The following LRP5 variants were observed in gnomAD, a reference collection of about 807,000 sequenced individuals.
LRP5 encodes the protein LDL receptor related protein 5.
LRP5 carries 62 observed loss-of-function variants against 154.1 expected under a neutral mutation model. The observed-to-expected ratio is 0.40, with a 90% CI of 0.33 to 0.50. The LOEUF (loss-of-function observed/expected upper bound fraction) is 0.50, where lower values mean the gene tolerates loss of function less well. Among genes scored for constraint, LRP5 ranks in the 20% least tolerant of loss-of-function variants. LRP5 has a pLI of 0.55. For synonymous variants in LRP5, 966 were observed against 1,011.5 expected, an observed-to-expected ratio of 0.96 and a Z score of 0.85; for missense variants, 1,915 against 2,336.7, an observed-to-expected ratio of 0.82 and a Z score of 3.72.
chr11:68,299,391 A>G, the LRP5 span, among the ~76,000 whole-genome samples: 1 of 152,104 alleles, frequency 6.6e-6, no homozygotes, highest in African/African-American at 2.4e-5. Flanking sequence ...AGAATCTAGA[A>G]GACAGATGCA....
Position 68,414,026 on chromosome 11 carries a change from G to T in LRP5, c.2827+14G>T. ...GCAACTGCAGCCGTAAGTGCCTCAT[G>T]GTCCCCCGCACCTCACTCCCTCGTT... On this transcript the variant is annotated intron_variant, in intron 12 of 22. Coordinates refer to ENST00000294304, the MANE Select transcript of LRP5 (RefSeq NM_002335.4). 6.2e-7 allele frequency: 1 copy of T among 1,600,618 alleles called. No homozygotes were observed. Among genetic ancestry groups the T allele is most frequent in the South Asian group, 1.1e-5 (1 of 90,826 alleles).
At position 68,344,841 on chromosome 11, in the gene LRP5, ATC is replaced by A. The variant is rs199856972; in HGVS notation, c.92-2998_92-2997del. On this transcript the variant is annotated intron_variant, in intron 1 of 22. Coordinates refer to ENST00000294304, the MANE Select transcript of LRP5 (RefSeq NM_002335.4). The stretch of plus-strand genomic sequence containing the variant: ...CATCCATGTTGTAGCATGTGTCAGA[ATC>A]TCTCTCTTTTTTTTTTTTTTTTTTT... Among the ~76,000 whole-genome samples, 809 of 138,508 alleles carry A rather than the reference ATC, an allele frequency of 5.8e-3. 13 individuals carry two copies. The highest frequency in any genetic ancestry group is 8.1e-3 in the African/African-American group (290 of 35,720). The allele number at this position is 138,508 out of a possible 152,430, so 90.9% of individuals were successfully genotyped here.
chr11:68,438,766 AC>A, intron 20 of LRP5, 84 bp downstream of exon 20: 2 of 1,197,546 alleles, frequency 1.7e-6, no homozygotes, highest in Non-Finnish European at 2.4e-6. Flanking sequence ...GGGATGTGCT[AC>A]CCCAGGCCCT....
intron 2 of LRP5, 95 bp from the exon 3 acceptor site, chr11:68,357,555 A>C: frequency 1.7e-6 from 2 of 1,177,592 alleles, no homozygotes; most frequent in Middle Eastern, 2.0e-4. Context: ...TTTTAGGGCA[A>C]GTTCACTGTC....
At chr11:68,313,043 G>A (rs1348642752) in intron 1 of LRP5, among the ~76,000 whole-genome samples, 1 of 146,884 alleles carries the variant, frequency 6.8e-6, no homozygotes, top group Admixed American at 6.7e-5. Flanking sequence ...GGCGAGGAGG[G>A]CGCCCGCTCC....
chr11:68,377,168 G>A (rs752325883), intron 5 of LRP5, among the ~76,000 whole-genome samples: 9 of 152,198 alleles, frequency 5.9e-5, no homozygotes, highest in Non-Finnish European at 1.0e-4. Context: ...CATGGGGGCA[G>A]AGGCAGGCAG....
At position 68,443,563 on chromosome 11, in the gene LRP5, ATATATATATATATATATATATATTTTTT is replaced by A. The variant is rs1303060925; in HGVS notation, c.4489-2871_4489-2844del. On this transcript the variant is annotated intron_variant, in intron 21 of 22. Transcript: ENST00000294304. ...TTATGGCATATATATATATATATAT[ATATATATATATATATATATATATTTTTT>A]TTTTTTTTGGTTATGTTCAGAAAGG... is the stretch of plus-strand genomic sequence containing the variant. 4.3e-4 allele frequency among the ~76,000 whole-genome samples: 15 copies of A among 34,570 alleles called. 2 individuals are homozygous for A. The highest frequency in any genetic ancestry group is 1.7e-3 in the South Asian group (2 of 1,186). 22.7% of individuals were successfully genotyped at this position (34,570 alleles called of 152,430 possible). A position where few individuals can be genotyped will look rare whatever the true frequency, so the allele number is the denominator to read the frequency against.
intron 21 of LRP5, 134 bp downstream of exon 21, chr11:68,440,050 C>A: frequency 1.4e-6 from 1 of 708,378 alleles, no homozygotes; most frequent in Non-Finnish European, 2.3e-6. Context: ...TGCTTTCTTC[C>A]CTTTTCAAAC....
At chr11:68,394,516 A>C (rs910309052) in intron 7 of LRP5, among the ~76,000 whole-genome samples, 9 of 149,596 alleles carry the variant, frequency 6.0e-5, no homozygotes, top group Non-Finnish European at 1.3e-4. Flanking sequence ...CCCAGTCTGG[A>C]GTGCAGTGGC....
Position 68,395,461 on chromosome 11 carries a change from T to A in LRP5, c.1584+5409T>A, listed in dbSNP as rs2098648765. On this transcript the variant is annotated intron_variant, in intron 7 of 22. Transcript: ENST00000294304. ...CTCATCACTGGGGGCCTAAGGAGAA[T>A]AGATACTGAAGGATGAGGAGTGATG... Among the ~76,000 whole-genome samples the A allele has an allele frequency of 3.3e-5, 5 of 151,946 alleles. No homozygotes were observed. In the South Asian group the frequency reaches 1.0e-3, roughly 32 times the overall value.
At chr11:68,387,675 G>C (rs2098643800) in intron 6 of LRP5, among the ~76,000 whole-genome samples, 1 of 152,248 alleles carries the variant, frequency 6.6e-6, no homozygotes, top group Admixed American at 6.5e-5. Flanking sequence ...GAGGGTAGTA[G>C]CCAGGGGCCT....
chr11:68,348,885 A>C (rs2098615970), intron 2 of LRP5, among the ~76,000 whole-genome samples: 1 of 151,872 alleles, frequency 6.6e-6, no homozygotes, highest in Non-Finnish European at 1.5e-5. Context: ...TCGAGGCTGC[A>C]GTGAGCTGTG....
At chr11:68,389,484 TTACCAACACCAGCATC>T (rs1442277044) in intron 6 of LRP5, among the ~76,000 whole-genome samples, 1 of 150,586 alleles carries the variant, frequency 6.6e-6, no homozygotes, top group Non-Finnish European at 1.5e-5. Flanking sequence ...ACACCAACAT[TTACCAACACCAGCATC>T]TACCAACACC....
At chr11:68,356,639 G>A (rs779656619) in intron 2 of LRP5, among the ~76,000 whole-genome samples, 8 of 152,128 alleles carry the variant, frequency 5.3e-5, no homozygotes, top group Non-Finnish European at 8.8e-5. Flanking sequence ...CAAAATCCAC[G>A]TTTACACGAG....
rs761131376 is a variant in LRP5 at position 68,386,570 on chromosome 11, G to A, written c.1270G>A (p.Asp424Asn). 5 of 1,613,754 alleles carry A rather than the reference G, an allele frequency of 3.1e-6. No individual in the cohort carries two copies. The highest frequency in any genetic ancestry group is 1.1e-5 in the South Asian group (1 of 91,064). The change falls in exon 6 of 23, where the codon GAC becomes AAC. Residue 424 changes from aspartate to asparagine, a missense_variant. Physicochemically the swap from Asp to Asn is conservative, Grantham distance 23. Coordinates refer to ENST00000294304, the MANE Select transcript of LRP5 (RefSeq NM_002335.4). The surrounding 1 kb of genome is among the most constrained non-coding windows in gnomAD (Gnocchi z 7.9). ...CAACGACCCCGATGGCATCGCGGTC[G>A]ACTGGGTGGCCCGAAACCTCTACTG... ...EINDPDGIAVDWVARNLYWTD... is the reference protein window; with the variant it reads ...EINDPDGIAVNWVARNLYWTD...
chr11:68,382,776 G>A lies in LRP5; in HGVS notation c.1016-3540G>A, dbSNP rs577313082. On this transcript the variant is annotated intron_variant, in intron 5 of 22. Coordinates refer to ENST00000294304, the MANE Select transcript of LRP5 (RefSeq NM_002335.4). ...TCTTGCGGCTGTGTGTCCTTGGGCC[G>A]GGAGCCTACCCTCTCTGAGCGTTGG... Among the ~76,000 whole-genome samples, 149 of 152,308 alleles carry A rather than the reference G, an allele frequency of 9.8e-4. 1 individual carries two copies. The highest frequency in any genetic ancestry group is 2.9e-3 in the African/African-American group (119 of 41,562).
intron 1 of LRP5, among the ~76,000 whole-genome samples, chr11:68,313,356 C>T (rs2098590204): frequency 6.6e-6 from 1 of 152,034 alleles, no homozygotes; most frequent in Non-Finnish European, 1.5e-5. Context: ...AGCGGACTGA[C>T]ACCTGCCAGG....
chr11:68,421,193 C>G (rs1006070907), intron 13 of LRP5, among the ~76,000 whole-genome samples: 22 of 152,114 alleles, frequency 1.4e-4, no homozygotes, highest in African/African-American at 5.1e-4. Context: ...CTTCACTGCA[C>G]TCGAGCCTGG....
In LRP5 at chr11:68,423,965, T is replaced by C. The variant is rs2098667288; in HGVS notation, c.3236+268T>C. ...CGGGAGTTGCAGTTGATAGGTTTTG[T>C]ATCATCCTTGTTAAACTTGAACCCT... On this transcript the variant is annotated intron_variant, in intron 14 of 22. Transcript: ENST00000294304. The surrounding 1 kb of genome is among the most constrained non-coding windows in gnomAD (Gnocchi z 4.7). Among the ~76,000 whole-genome samples the C allele has an allele frequency of 6.6e-6, 1 of 152,224 alleles. No homozygotes were observed. The highest frequency in any genetic ancestry group is 1.9e-4 in the East Asian group (1 of 5,204).
Sources: gnomAD v4.1 joint callset for allele counts (sites outside exome capture counted in the v4.1 genomes callset) on GRCh38, gnomAD v4.1.1 for gene constraint, Gnocchi (gnomAD v3.1) non-coding constraint, MANE v1.5 for transcripts, NCBI Gene and HGNC (gene_info 2026-07-23, HGNC 2026-07-21) for gene names.